The following SNX15 variants were observed in gnomAD, a reference collection of about 807,000 sequenced individuals.
SNX15 encodes the protein sorting nexin 15.
A neutral mutation model predicts 35.2 loss-of-function variants in SNX15; 29 were observed. The observed-to-expected ratio is 0.82, with a 90% CI of 0.61 to 1.12. The LOEUF (loss-of-function observed/expected upper bound fraction) is 1.12. SNX15 is among the 50% of genes most tolerant of loss of function. The probability of loss-of-function intolerance (pLI) is 0.00; values close to 1 mark genes in which losing one functional copy is unlikely to be tolerated. For missense variants in SNX15, 400 were observed against 451.5 expected, an observed-to-expected ratio of 0.89 and a Z score of 1.03; for synonymous variants, 189 against 188.2, an observed-to-expected ratio of 1.00 and a Z score of -0.03.
chr11:65,031,867 A>AGCCTGG (rs1340951697), intron 1 of SNX15, among the ~76,000 whole-genome samples: 1 of 152,194 alleles, frequency 6.6e-6, no homozygotes, highest in Non-Finnish European at 1.5e-5. Context: ...ACTGCACTCC[A>AGCCTGG]GCCTGGGCGA....
Position 65,034,969 on chromosome 11 carries a change from G to GCACCTTC in SNX15, c.372+16_372+22dup, listed in dbSNP as rs758022567. The GCACCTTC allele has an allele frequency of 6.2e-7, 1 of 1,613,652 alleles. No homozygotes were observed. The highest frequency in any genetic ancestry group is 8.5e-7 in the Non-Finnish European group (1 of 1,179,672). On this transcript the variant is annotated splice_region_variant and intron_variant, in intron 4 of 7. Coordinates refer to ENST00000377244, the MANE Select transcript of SNX15 (RefSeq NM_013306.5). The stretch of plus-strand genomic sequence containing the variant: ...GCTCAAGGAGTTCTTCCGGGTATGT[G>GCACCTTC]CACCTTCCACCTTCCCAGAACTTGG...
chr11:65,027,516 C>G lies in SNX15; in HGVS notation c.-22C>G, dbSNP rs370919667. On this transcript the variant is annotated 5_prime_UTR_variant, in exon 1 of 8. Coordinates refer to ENST00000377244, the MANE Select transcript of SNX15 (RefSeq NM_013306.5). ...GGCGAGGAGGTGGAGGCCGGCGCTC[C>G]GCTCCGCTCCAGCTCGGTTTCATGT... 5.8e-5 allele frequency: 93 copies of G among 1,608,036 alleles called. No individual in the cohort carries two copies. The highest frequency in any genetic ancestry group is 7.7e-5 in the Non-Finnish European group (90 of 1,175,252).
At chr11:65,030,957 C>T (rs1946433705) in intron 1 of SNX15, among the ~76,000 whole-genome samples, 1 of 152,166 alleles carries the variant, frequency 6.6e-6, no homozygotes, top group Admixed American at 6.6e-5. Flanking sequence ...TTCCTCATCT[C>T]TTAAGTGGGC....
chr11:65,027,597 T>G lies in SNX15; in HGVS notation c.60T>G (p.Thr20=), dbSNP rs762805601. 6.2e-7 allele frequency: 1 copy of G among 1,614,070 alleles called. No individual in the cohort carries two copies. The highest frequency in any genetic ancestry group is 1.7e-5 in the Admixed American group (1 of 60,004). The change falls in exon 1 of 8, where the codon ACT becomes ACG. Residue 20 remains threonine (T), a synonymous_variant. Transcript: ENST00000377244. ...LRHYTVSDPR[T]HPKGYTEYKV... ...ACTACACAGTGTCGGACCCCAGGACTCACCCCAAGGGCTACACCGAGTACA... is the reference window on the plus strand; with the variant it reads ...ACTACACAGTGTCGGACCCCAGGACGCACCCCAAGGGCTACACCGAGTACA...
Position 65,038,720 on chromosome 11 carries a change from G to A in SNX15, c.813G>A (p.Gln271=). The stretch of plus-strand genomic sequence containing the variant: ...GGCCCACCCCTGCCTACCTAAGCCA[G>A]GCCACAGAGCTCATCACCCAGGCCC... ...EGGPTPAYLS[Q]ATELITQALR... is the part of the protein sequence containing the mutation. The change falls in exon 7 of 8, where the codon CAG becomes CAA. Residue 271 remains glutamine (Q), a synonymous_variant. Transcript: ENST00000377244. The A allele has an allele frequency of 6.2e-7, 1 of 1,606,154 alleles. No individual in the cohort carries two copies. Among genetic ancestry groups the A allele is most frequent in the Non-Finnish European group, 8.5e-7 (1 of 1,176,666 alleles).
At chr11:65,030,918 A>C (rs497023) in intron 1 of SNX15, among the ~76,000 whole-genome samples, 2 of 152,128 alleles carry the variant, frequency 1.3e-5, no homozygotes, top group African/African-American at 4.8e-5. Context: ...TGTGTGGTCT[A>C]CTATGGCCAC....
chr11:65,038,389 C>G (rs1946527467), intron 6 of SNX15, 183 bp from the exon 7 acceptor site: 1 of 1,144,364 alleles, frequency 8.7e-7, no homozygotes, highest in African/African-American at 1.6e-5. Flanking sequence ...CACATGAACC[C>G]TATCGATCAA....
intron 3 of SNX15, 149 bp from the exon 4 acceptor site, chr11:65,034,698 G>T: frequency 1.6e-6 from 1 of 618,446 alleles, no homozygotes; most frequent in Non-Finnish European, 2.8e-6. Context: ...CTCACCCCAG[G>T]AGGAACCAGG....
Position 65,035,660 on chromosome 11 carries a change from G to A in SNX15, c.661G>A (p.Glu221Lys), listed in dbSNP as rs1946494036. The part of the protein sequence containing the change: ...ELALFDPFSK[E>K]EGAAPSPTHV... ...TGCCCTCTTCGACCCCTTCTCCAAGGAAGGTAATGAGCTGGGACAGCCGGG... is the reference window on the plus strand; with the variant it reads ...TGCCCTCTTCGACCCCTTCTCCAAGAAAGGTAATGAGCTGGGACAGCCGGG... Residue 221 changes from glutamate to lysine, a missense_variant, in exon 6 of 8, where the codon GAA becomes AAA. Transcript: ENST00000377244. The A allele has an allele frequency of 6.2e-7, 1 of 1,602,842 alleles. No homozygotes were observed.
Position 65,040,393 on chromosome 11 carries a change from T to G in SNX15, c.*601T>G, listed in dbSNP as rs1261656395. On this transcript the variant is annotated 3_prime_UTR_variant, in exon 8 of 8. Coordinates refer to ENST00000377244, the MANE Select transcript of SNX15 (RefSeq NM_013306.5). ...GAACTGGGGTCTGCAAACTCCCACCTGCAGCCAAATCTGGCCCACCTCCTT... is the reference window on the plus strand; with the variant it reads ...GAACTGGGGTCTGCAAACTCCCACCGGCAGCCAAATCTGGCCCACCTCCTT... 1 of 152,178 alleles carries G rather than the reference T, an allele frequency of 6.6e-6. No homozygotes were observed. Among genetic ancestry groups the G allele is most frequent in the Non-Finnish European group, 1.5e-5 (1 of 68,040 alleles). 9.4% of individuals were successfully genotyped at this position (152,178 alleles called of 1,614,324 possible). A position where few individuals can be genotyped will look rare whatever the true frequency, so the allele number is the denominator to read the frequency against.
rs747153458 is a variant in SNX15, at chr11:65,039,029, C to CTTTTTTTTTTTTT, written c.922+207_922+219dup. On this transcript the variant is annotated intron_variant, in intron 7 of 7. Transcript: ENST00000377244. Reference sequence around the variant, plus strand: ...TTGTGGCCTCAGTTTTCTTCTTCCTCTTTTTTTTTTTTTTTTTTTGAGACA... The same window carrying CTTTTTTTTTTTTT: ...TTGTGGCCTCAGTTTTCTTCTTCCTCTTTTTTTTTTTTTTTTTTTTTTTTTTTTTTTTGAGACA... 4.7e-4 allele frequency among the ~76,000 whole-genome samples: 34 copies of CTTTTTTTTTTTTT among 72,494 alleles called. 5 individuals are homozygous for CTTTTTTTTTTTTT. The highest frequency in any genetic ancestry group is 7.3e-4 in the African/African-American group (16 of 21,848). 47.6% of individuals were successfully genotyped at this position (72,494 alleles called of 152,430 possible).
chr11:65,034,436 G>A (rs542128607), intron 3 of SNX15, among the ~76,000 whole-genome samples: 14 of 152,222 alleles, frequency 9.2e-5, no homozygotes, highest in African/African-American at 3.1e-4. Context: ...ATAAACGGGG[G>A]CTCCTTGCTT....
At position 65,035,903 on chromosome 11, in the gene SNX15, C is replaced by A. The variant is rs547522822; in HGVS notation, c.664+240C>A. The A allele has an allele frequency of 9.8e-6, 4 of 408,886 alleles. No homozygotes were observed. The South Asian group carries it at 3.6e-4, about 37-fold the overall frequency. The allele number at this position is 408,886 out of a possible 1,614,324, so 25.3% of individuals were successfully genotyped here. A position where few individuals can be genotyped will look rare whatever the true frequency, so the allele number is the denominator to read the frequency against. On this transcript the variant is annotated intron_variant, in intron 6 of 7. Transcript: ENST00000377244. ...AATAGCCACGAGGAAGGAAAGGAGG[C>A]ACTTCCCATGTTGGGGCCATCTCAC...
chr11:65,035,759 G>A, intron 6 of SNX15, 96 bp downstream of exon 6: 1 of 1,319,212 alleles, frequency 7.6e-7, no homozygotes, highest in Non-Finnish European at 1.0e-6. Flanking sequence ...TGCCTGCGCA[G>A]ATCAGGGAGA....
At chr11:65,027,743 T>G in intron 1 of SNX15, 107 bp downstream of exon 1, 1 of 824,482 alleles carries the variant, frequency 1.2e-6, no homozygotes, top group East Asian at 2.7e-5. Flanking sequence ...ACGACAGAAA[T>G]GGGTTTCCCC....
At position 65,032,537 on chromosome 11, in the gene SNX15, G is replaced by T. The variant is rs376537719; in HGVS notation, c.242G>T (p.Arg81Leu). ...CTCGAGGAGTTCCCTGCTTTCCCCC[G>T]GGCCCAGGTGTTTGGTGAGTGTTAG... ...RRLEEFPAFP[R>L]AQVFGRFEAS... The change falls in exon 3 of 8, where the codon CGG (arginine) becomes CTG (leucine). Residue 81 changes from arginine to leucine, a missense_variant. Transcript: ENST00000377244. 4 of 1,614,044 alleles carry T rather than the reference G, an allele frequency of 2.5e-6. No homozygotes were observed. Among genetic ancestry groups the T allele is most frequent in the South Asian group, 2.2e-5 (2 of 91,082 alleles).
intron 1 of SNX15, among the ~76,000 whole-genome samples, chr11:65,031,632 G>A (rs973877856): frequency 2.0e-5 from 3 of 152,222 alleles, no homozygotes; most frequent in African/African-American, 7.2e-5. Flanking sequence ...GCTGATGGCC[G>A]GGTGCTCACG....
At chr11:65,035,977 G>A in intron 6 of SNX15, 2 of 270,296 alleles carry the variant, frequency 7.4e-6, no homozygotes, top group Non-Finnish European at 1.4e-5. Context: ...GGACATTTTA[G>A]TTCCTTCCCT....
intron 6 of SNX15, chr11:65,035,921 C>T: frequency 2.6e-6 from 1 of 388,836 alleles, no homozygotes. Context: ...ATGTTGGGGC[C>T]ATCTCACTGA....
Sources: allele counts gnomAD v4.1 joint callset (sites outside exome capture counted in the v4.1 genomes callset), GRCh38; gene constraint gnomAD v4.1.1; transcripts MANE v1.5; gene names NCBI Gene and HGNC (gene_info 2026-07-23, HGNC 2026-07-21).